Variants in FAM227B observed in about 807,000 individuals in gnomAD.
The protein encoded by FAM227B is family with sequence similarity 227 member B.
A neutral mutation model predicts 73.8 loss-of-function variants in FAM227B; 88 were observed. That is an observed-to-expected ratio of 1.19 (90% confidence interval 1.00 to 1.42). FAM227B has a LOEUF of 1.42. Ranked by LOEUF, FAM227B falls within the 40% of genes most tolerant of loss-of-function variation. FAM227B has a pLI of 0.00. For synonymous variants in FAM227B, 210 were observed against 190.5 expected, an observed-to-expected ratio of 1.10 and a Z score of -0.84; for missense variants, 632 against 590.9, an observed-to-expected ratio of 1.07 and a Z score of -0.72.
chr15:49,525,763 C>T (rs2060153449), intron 10 of FAM227B, among the ~76,000 whole-genome samples: 1 of 109,936 alleles, frequency 9.1e-6, no homozygotes, highest in African/African-American at 3.8e-5. Flanking sequence ...ACTCTTACAT[C>T]AAATAAAGCA....
At chr15:49,586,897 G>C (rs1184886769) in intron 5 of FAM227B, among the ~76,000 whole-genome samples, 4 of 152,180 alleles carry the variant, frequency 2.6e-5, no homozygotes, top group African/African-American at 9.6e-5. Context: ...CGAGGTTGCA[G>C]AGAAAAGGGA....
chr15:49,611,023 T>C (rs1385286464), intron 3 of FAM227B, among the ~76,000 whole-genome samples, 192 bp downstream of exon 3: 4 of 152,064 alleles, frequency 2.6e-5, no homozygotes, highest in Admixed American at 6.6e-5. Context: ...AAAAAGAGAA[T>C]AGAATGTTGA....
chr15:49,502,702 T>A (rs2058241772), intron 11 of FAM227B, among the ~76,000 whole-genome samples: 1 of 152,160 alleles, frequency 6.6e-6, no homozygotes, highest in African/African-American at 2.4e-5. Context: ...TGGGAAGGCA[T>A]GATTGTATTT....
At chr15:49,435,574 G>A (rs2051029875) in intron 11 of FAM227B, among the ~76,000 whole-genome samples, 1 of 151,542 alleles carries the variant, frequency 6.6e-6, no homozygotes, top group South Asian at 2.1e-4. Flanking sequence ...AATGTTGGAT[G>A]TTTAACAGGC....
At chr15:49,381,736 A>C (rs1223198308) in intron 11 of FAM227B, among the ~76,000 whole-genome samples, 3 of 152,162 alleles carry the variant, frequency 2.0e-5, no homozygotes, top group Non-Finnish European at 2.9e-5. Context: ...AGACAACACT[A>C]ATTGTTTTTT....
intron 10 of FAM227B, among the ~76,000 whole-genome samples, chr15:49,512,710 G>A (rs1322247738): frequency 6.6e-6 from 1 of 151,832 alleles, no homozygotes; most frequent in Non-Finnish European, 1.5e-5. Flanking sequence ...AGCCCTGCAT[G>A]CATTAGCTAT....
In FAM227B at chr15:49,496,332, G is replaced by C. The variant is rs552187316; in HGVS notation, c.1012+11879C>G. On this transcript the variant is annotated intron_variant, in intron 11 of 15. Transcript: ENST00000299338. ...AAGAATGAGACTTGTTATTGTTTTA[G>C]CTTTAAAATCCAACAAAGAGAAAAA... Among the ~76,000 whole-genome samples, 37 of 152,216 alleles carry C rather than the reference G, an allele frequency of 2.4e-4. 1 individual carries two copies. The South Asian group carries it at 7.3e-3, about 30-fold the overall frequency.
At chr15:49,549,795 C>T (rs868441268) in intron 9 of FAM227B, among the ~76,000 whole-genome samples, 145 of 152,334 alleles carry the variant, frequency 9.5e-4, no homozygotes, top group Non-Finnish European at 1.8e-3. Flanking sequence ...TCCACAAAAC[C>T]GCCATTGTCA....
intron 11 of FAM227B, among the ~76,000 whole-genome samples, chr15:49,489,753 T>C (rs1181483984): frequency 2.2e-5 from 3 of 139,004 alleles, no homozygotes; most frequent in African/African-American, 7.9e-5. Flanking sequence ...GTTCTATATA[T>C]ATCTATAGAT....
chr15:49,575,001 A>G lies in FAM227B; in HGVS notation c.645+10T>C, dbSNP rs755829063. On this transcript the variant is annotated intron_variant, in intron 8 of 15. Coordinates refer to ENST00000299338, the MANE Select transcript of FAM227B (RefSeq NM_152647.3). ...CAACTTAAAAAATAAATTTTTAAAA[A>G]TCACTATACCCTAAATTTATGGAGA... The G allele has an allele frequency of 1.3e-6, 2 of 1,496,440 alleles. No individual in the cohort carries two copies. Among genetic ancestry groups the G allele is most frequent in the Non-Finnish European group, 1.8e-6 (2 of 1,103,336 alleles). The allele number at this position is 1,496,440 out of a possible 1,614,324, so 92.7% of individuals were successfully genotyped here.
chr15:49,451,431 C>A (rs16962490), intron 11 of FAM227B, among the ~76,000 whole-genome samples: 1 of 151,774 alleles, frequency 6.6e-6, no homozygotes, highest in Non-Finnish European at 1.5e-5. Flanking sequence ...GAAGTCTATG[C>A]ATTGCTGACA....
At chr15:49,366,923 G>A (rs937479131) in intron 13 of FAM227B, among the ~76,000 whole-genome samples, 18 of 152,288 alleles carry the variant, frequency 1.2e-4, no homozygotes, top group African/African-American at 4.1e-4. Context: ...CTGAAGATAG[G>A]ACTGTAAAAA....
intron 11 of FAM227B, among the ~76,000 whole-genome samples, chr15:49,471,622 T>C (rs1464276691): frequency 6.6e-6 from 1 of 152,028 alleles, no homozygotes; most frequent in Non-Finnish European, 1.5e-5. Context: ...CTTGTTTTAT[T>C]CAAAAATGGA....
At chr15:49,514,539 G>C (rs947945271) in intron 10 of FAM227B, among the ~76,000 whole-genome samples, 1 of 152,070 alleles carries the variant, frequency 6.6e-6, no homozygotes, top group Admixed American at 6.6e-5. Flanking sequence ...CATGTTATCT[G>C]CAACAGATAC....
intron 9 of FAM227B, among the ~76,000 whole-genome samples, chr15:49,554,827 T>C (rs2152318527): frequency 6.6e-6 from 1 of 152,328 alleles, no homozygotes; most frequent in Non-Finnish European, 1.5e-5. Context: ...CTTGGTGTTC[T>C]TGTGGGGGGA....
chr15:49,423,724 T>C (rs2049884465), intron 11 of FAM227B, among the ~76,000 whole-genome samples: 1 of 152,156 alleles, frequency 6.6e-6, no homozygotes, highest in South Asian at 2.1e-4. Context: ...TACACTTTGT[T>C]AGCAGTAATT....
At chr15:49,465,439 T>C (rs746428233) in intron 11 of FAM227B, among the ~76,000 whole-genome samples, 10 of 152,062 alleles carry the variant, frequency 6.6e-5, no homozygotes, top group Non-Finnish European at 1.5e-4. Context: ...CCCGGCCTAC[T>C]TCTTAAAGTG....
At chr15:49,380,465 A>G (rs1024770649) in intron 11 of FAM227B, among the ~76,000 whole-genome samples, 1 of 151,930 alleles carries the variant, frequency 6.6e-6, no homozygotes, top group African/African-American at 2.4e-5. Context: ...TTGATTAAAA[A>G]AAAATATATT....
At chr15:49,530,487 T>C (rs974255244) in intron 10 of FAM227B, among the ~76,000 whole-genome samples, 1 of 151,820 alleles carries the variant, frequency 6.6e-6, no homozygotes, top group Non-Finnish European at 1.5e-5. Context: ...TCTGAAGATA[T>C]CAAAATAGTT....
Sources: gnomAD v4.1 joint callset for allele counts (sites outside exome capture counted in the v4.1 genomes callset) on GRCh38, gnomAD v4.1.1 for gene constraint, MANE v1.5 for transcripts, NCBI Gene and HGNC (gene_info 2026-07-23, HGNC 2026-07-21) for gene names.